Variants in ALPK2 observed in about 807,000 individuals in gnomAD.
ALPK2 encodes alpha kinase 2.
Under a neutral mutation model 163.1 loss-of-function variants are expected in ALPK2, and 127 were observed. The observed-to-expected ratio is 0.78, with a 90% CI of 0.67 to 0.90. The LOEUF is 0.90. Among genes scored for constraint, ALPK2 ranks in the 40% least tolerant of loss-of-function variants. The probability of loss-of-function intolerance (pLI) is 0.00; values close to 1 mark genes in which losing one functional copy is unlikely to be tolerated. For synonymous variants in ALPK2, 953 were observed against 959.1 expected, an observed-to-expected ratio of 0.99 and a Z score of 0.12; for missense variants, 2,360 against 2,589.6, an observed-to-expected ratio of 0.91 and a Z score of 1.92.
At chr18:58,570,370 A>T (rs554312248) in intron 4 of ALPK2, among the ~76,000 whole-genome samples, 5 of 152,334 alleles carry the variant, frequency 3.3e-5, no homozygotes, top group Admixed American at 1.3e-4. Context: ...GAGCCCTGTG[A>T]TGTGCCCTGC....
At chr18:58,507,025 C>T (rs1208577029) in intron 10 of ALPK2, among the ~76,000 whole-genome samples, 3 of 152,182 alleles carry the variant, frequency 2.0e-5, no homozygotes, top group Non-Finnish European at 4.4e-5. Context: ...CACGTAGATA[C>T]CACTTTCAAG....
chr18:58,591,742 T>C (rs1442099131), intron 3 of ALPK2, among the ~76,000 whole-genome samples: 3 of 152,130 alleles, frequency 2.0e-5, no homozygotes, highest in African/African-American at 7.2e-5. Context: ...CATTTTTAAT[T>C]TGGAACTTGG....
Position 58,503,940 on chromosome 18 carries a change from C to T in ALPK2, c.6238G>A (p.Asp2080Asn), listed in dbSNP as rs770385528. ...AAGCTGCTTTCCTCACCTTGCATGTCCGTCACCAGGAGGCAGCCACTTGTT... is the reference window on the plus strand; with the variant it reads ...AAGCTGCTTTCCTCACCTTGCATGTTCGTCACCAGGAGGCAGCCACTTGTT... ...QKTSGCLLVT[D>N]MQGVGMKLTD... Residue 2080 changes from aspartate to asparagine, a missense_variant, in exon 11 of 13, where the codon GAC becomes AAC. Transcript: ENST00000361673. 2.5e-6 allele frequency: 4 copies of T among 1,613,126 alleles called. No individual in the cohort carries two copies. The highest frequency in any genetic ancestry group is 2.5e-6 in the Non-Finnish European group (3 of 1,179,438).
Position 58,537,128 on chromosome 18 carries a change from G to T in ALPK2, c.3059C>A (p.Ala1020Asp), listed in dbSNP as rs201551598. The T allele has an allele frequency of 1.9e-6, 3 of 1,614,040 alleles. No individual in the cohort carries two copies. Among genetic ancestry groups the T allele is most frequent in the Non-Finnish European group, 1.7e-6 (2 of 1,179,976 alleles). ...AGGAATTGACACAGCAAGGTATTTG[G>T]CTGGGTGGACTTCGGTGGCAATGGT... ...TVTIATEVHP[A>D]KYLAVSIPED... Residue 1020 changes from alanine (A) to aspartate (D), a missense_variant, in exon 5 of 13, where the codon GCC (alanine) becomes GAC (aspartate). Physicochemically the swap from Ala to Asp is moderately radical, Grantham distance 126. Coordinates refer to ENST00000361673, the MANE Select transcript of ALPK2 (RefSeq NM_052947.4).
At chr18:58,588,217 G>A (rs1602230530) in intron 3 of ALPK2, among the ~76,000 whole-genome samples, 1 of 152,116 alleles carries the variant, frequency 6.6e-6, no homozygotes, top group African/African-American at 2.4e-5. Context: ...TGCATCAAGG[G>A]CATTATTAAG....
At chr18:58,543,257 G>T in intron 4 of ALPK2, 1 of 706,416 alleles carries the variant, frequency 1.4e-6, no homozygotes, top group Non-Finnish European at 1.7e-6. Flanking sequence ...TCAGTCTCCA[G>T]AGCTGTAAGA....
intron 11 of ALPK2, among the ~76,000 whole-genome samples, chr18:58,500,855 G>A (rs938926996): frequency 6.6e-6 from 1 of 152,070 alleles, no homozygotes; most frequent in East Asian, 1.9e-4. Flanking sequence ...AGAAGGCGTG[G>A]TAGTCTCACC....
Position 58,536,620 on chromosome 18 carries a change from C to T in ALPK2, c.3567G>A (p.Trp1189Ter). ...SREGAGQRSGWGTRVSVVAET... is the reference protein window; with the variant it reads ...SREGAGQRSG ...CAGCCACCACGGAGACCCTCGTCCC[C>T]CAACCTGAGCGCTGCCCTGCTCCTT... Residue 1189 changes from tryptophan to a stop codon, truncating the protein, a stop_gained, in exon 5 of 13, where the codon TGG (tryptophan) becomes TGA (stop). Transcript: ENST00000361673. LOFTEE classifies it high-confidence loss of function. The T allele has an allele frequency of 3.1e-6, 5 of 1,614,180 alleles. No individual in the cohort carries two copies. The South Asian group carries it at 5.5e-5, about 18-fold the overall frequency.
chr18:58,503,928 C>T lies in ALPK2; in HGVS notation c.6247+3G>A. The T allele has an allele frequency of 6.2e-7, 1 of 1,611,438 alleles. No homozygotes were observed. Among genetic ancestry groups the T allele is most frequent in the Non-Finnish European group, 8.5e-7 (1 of 1,178,528 alleles). On this transcript the variant is annotated splice_donor_region_variant and intron_variant, in intron 11 of 12. Transcript: ENST00000361673. The stretch of plus-strand genomic sequence containing the variant: ...GGAGCCTGGGCTAAGCTGCTTTCCT[C>T]ACCTTGCATGTCCGTCACCAGGAGG...
At chr18:58,503,146 G>GT (rs1373905619) in intron 11 of ALPK2, among the ~76,000 whole-genome samples, 5 of 152,238 alleles carry the variant, frequency 3.3e-5, no homozygotes, top group African/African-American at 1.2e-4. Flanking sequence ...CCATTCCATA[G>GT]AAGAAATGGT....
chr18:58,540,949 C>T (rs1329714928), intron 4 of ALPK2, among the ~76,000 whole-genome samples: 3 of 152,194 alleles, frequency 2.0e-5, no homozygotes, highest in East Asian at 1.9e-4. Flanking sequence ...AAGAGACTGA[C>T]CTCTGAAGAG....
At chr18:58,577,946 GTT>G (rs1270401370) in intron 4 of ALPK2, 6 of 152,056 alleles carry the variant, frequency 3.9e-5, no homozygotes, top group Non-Finnish European at 7.4e-5. Flanking sequence ...AGACAAATAA[GTT>G]TTCTTAGGTA....
At chr18:58,493,874 G>A (rs1251288694) in intron 12 of ALPK2, among the ~76,000 whole-genome samples, 2 of 152,174 alleles carry the variant, frequency 1.3e-5, no homozygotes, top group Non-Finnish European at 2.9e-5. Context: ...TTACTGCCAG[G>A]GAAGAAATCT....
chr18:58,611,781 C>G lies in ALPK2; in HGVS notation c.17G>C (p.Gly6Ala). The G allele has an allele frequency of 6.3e-7, 1 of 1,595,820 alleles. No individual in the cohort carries two copies. Residue 6 changes from glycine (G) to alanine (A), a missense_variant, in exon 2 of 13, where the codon GGG becomes GCG. Transcript: ENST00000361673. ...AAAACACAGCGGGGGCCTCTGGGGC[C>G]CTTCGGAGTCTTTCATCCTTTCATG... is the stretch of plus-strand genomic sequence containing the variant. MKDSE[G>A]PQRPPLCFLS... is the part of the protein sequence containing the mutation.
intron 1 of ALPK2, among the ~76,000 whole-genome samples, chr18:58,627,553 G>A (rs9965110): frequency 0.65 from 99,549 of 152,050 alleles, 34,337 homozygotes; most frequent in African/African-American, 0.88. Flanking sequence ...TGAACCCAGG[G>A]GGCGGAGGTT....
At position 58,535,125 on chromosome 18, in the gene ALPK2, C is replaced by G. The variant is rs776465879; in HGVS notation, c.5062G>C (p.Glu1688Gln). 3 of 1,614,090 alleles carry G rather than the reference C, an allele frequency of 1.9e-6. No homozygotes were observed. The highest frequency in any genetic ancestry group is 4.5e-5 in the East Asian group (2 of 44,864). The change falls in exon 5 of 13, where the codon GAG becomes CAG. Residue 1688 changes from glutamate (E) to glutamine (Q), a missense_variant. Glu to Gln is a conservative substitution (Grantham distance 29). Transcript: ENST00000361673. Reference sequence around the variant, plus strand: ...CCTGCTCGGGCTTCCAGGGACTTCTCTCTCTCCCTGGACTTTTTCGCACAG... The same window carrying G: ...CCTGCTCGGGCTTCCAGGGACTTCTGTCTCTCCCTGGACTTTTTCGCACAG... ...LGCAKKSREREKSLEARAGKS... is the reference protein window; with the variant it reads ...LGCAKKSRERQKSLEARAGKS...
intron 1 of ALPK2, among the ~76,000 whole-genome samples, chr18:58,617,597 CTCT>C (rs1403491085): frequency 6.6e-6 from 1 of 152,204 alleles, no homozygotes; most frequent in Non-Finnish European, 1.5e-5. Flanking sequence ...GAGGCATCAT[CTCT>C]CCATCTCAGT....
At position 58,577,488 on chromosome 18, in the gene ALPK2, G is replaced by A. The variant is rs78684624; in HGVS notation, c.1962+1326C>T. Reference sequence around the variant, plus strand: ...TTATGACTAGAAAAGGAAATGCCATGTTTATCAACATGAAAAAATTAACAT... The same window carrying A: ...TTATGACTAGAAAAGGAAATGCCATATTTATCAACATGAAAAAATTAACAT... On this transcript the variant is annotated intron_variant, in intron 4 of 12. Coordinates refer to ENST00000361673, the MANE Select transcript of ALPK2 (RefSeq NM_052947.4). Among the ~76,000 whole-genome samples, 914 of 152,336 alleles carry A rather than the reference G, an allele frequency of 6.0e-3. 2 individuals are homozygous for A. The highest frequency in any genetic ancestry group is 0.01 in the Non-Finnish European group (688 of 68,030).
At position 58,580,313 on chromosome 18, in the gene ALPK2, G is replaced by T. The variant is rs781442098; in HGVS notation, c.463C>A (p.Pro155Thr). 2 of 1,614,088 alleles carry T rather than the reference G, an allele frequency of 1.2e-6. No homozygotes were observed. The highest frequency in any genetic ancestry group is 1.7e-6 in the Non-Finnish European group (2 of 1,180,010). ...HPYKEEESIS[P>T]GTPRSADSSP... ...GAGTCAGCTGACCTGGGAGTGCCCG[G>T]GGAGATGCTTTCTTCTTCCTTATAA... The change falls in exon 4 of 13, where the codon CCG (proline) becomes ACG (threonine). Residue 155 changes from proline (P) to threonine (T), a missense_variant. Coordinates refer to ENST00000361673, the MANE Select transcript of ALPK2 (RefSeq NM_052947.4).
Sources: gnomAD v4.1 joint callset for allele counts (sites outside exome capture counted in the v4.1 genomes callset) on GRCh38, gnomAD v4.1.1 for gene constraint, MANE v1.5 for transcripts, NCBI Gene and HGNC (gene_info 2026-07-23, HGNC 2026-07-21) for gene names.